The following MDN1 variants were observed in gnomAD, a reference collection of about 807,000 sequenced individuals.
MDN1 encodes the protein midasin.
In MDN1, 266 loss-of-function variants were observed where a neutral mutation model predicts 669.2. That is an observed-to-expected ratio of 0.40 (90% CI 0.36 to 0.44). MDN1 has a LOEUF of 0.44. Among genes scored for constraint, MDN1 ranks in the 20% least tolerant of loss-of-function variants. The probability of loss-of-function intolerance (pLI) is 1.00; values close to 1 mark genes in which losing one functional copy is unlikely to be tolerated. For missense variants in MDN1, 5,940 were observed against 6,754.0 expected (o/e 0.88, Z 4.22); for synonymous variants, 2,385 against 2,457.1 (o/e 0.97, Z 0.87).
chr6:89,693,298 ATTAG>A lies in MDN1; in HGVS notation c.9882-154_9882-151del. On this transcript the variant is annotated intron_variant, in intron 62 of 101. Coordinates refer to ENST00000369393, the MANE Select transcript of MDN1 (RefSeq NM_014611.3). ...CATCTCAGTTGTGATAATACTGACA[ATTAG>A]TTAATGAAAATGGATAACATTTACA... The A allele has an allele frequency of 8.1e-6, 5 of 617,908 alleles. No individual in the cohort carries two copies. The South Asian group carries it at 1.0e-4, about 13-fold the overall frequency. 38.3% of individuals were successfully genotyped at this position (617,908 alleles called of 1,614,324 possible).
chr6:89,710,539 A>C, intron 50 of MDN1, 142 bp downstream of exon 50: 1 of 469,016 alleles, frequency 2.1e-6, no homozygotes, highest in Non-Finnish European at 3.7e-6. Flanking sequence ...AAAAAAAAGA[A>C]GGAGAATTTG....
At chr6:89,758,747 A>C (rs1380362863) in intron 18 of MDN1, 69 bp downstream of exon 18, 29 of 1,545,634 alleles carry the variant, frequency 1.9e-5, no homozygotes, top group Non-Finnish European at 2.5e-5. Flanking sequence ...CAACAACAAC[A>C]AAAAATCTCA....
intron 1 of MDN1, among the ~76,000 whole-genome samples, chr6:89,810,005 A>AT (rs1562242770): frequency 7.0e-6 from 1 of 142,220 alleles, no homozygotes; most frequent in Non-Finnish European, 1.6e-5. Flanking sequence ...AAAAAAAAAA[A>AT]AAAAAAAAAA....
chr6:89,672,583 C>T lies in MDN1; in HGVS notation c.13594G>A (p.Glu4532Lys). The change falls in exon 81 of 102, where the codon GAG (glutamate) becomes AAG (lysine). Residue 4532 changes from glutamate (E) to lysine (K), a missense_variant. Physicochemically the swap from Glu to Lys is moderately conservative, Grantham distance 56. Coordinates refer to ENST00000369393, the MANE Select transcript of MDN1 (RefSeq NM_014611.3). ...LEERKNEKAE[E>K]NTDQASPQED... ...TGTGGGCTTGCTTGGTCAGTGTTCT[C>T]CTCTGCTTTTTCATTCTTTCTTTCT... 1.9e-6 allele frequency: 3 copies of T among 1,614,102 alleles called. No homozygotes were observed. The highest frequency in any genetic ancestry group is 2.5e-6 in the Non-Finnish European group (3 of 1,179,994).
Position 89,750,367 on chromosome 6 carries a change from A to C in MDN1, c.3393T>G (p.Leu1131=). ...TCTTAACCCTACCTTCCTTAAAGAC[A>C]AGCTTCCCTGAGGAGTCAGACGTGT... The part of the protein sequence containing the change: ...GCYTSDSSGK[L]VFKEGVLIDA... The change falls in exon 24 of 102, where the codon CTT becomes CTG. Residue 1131 remains leucine (L), a synonymous_variant. Transcript: ENST00000369393. 1 of 1,608,240 alleles carries C rather than the reference A, an allele frequency of 6.2e-7. No homozygotes were observed. Among genetic ancestry groups the C allele is most frequent in the Non-Finnish European group, 8.5e-7 (1 of 1,175,262 alleles).
intron 38 of MDN1, among the ~76,000 whole-genome samples, chr6:89,724,376 G>A (rs970816907): frequency 2.6e-5 from 4 of 151,790 alleles, no homozygotes; most frequent in East Asian, 1.9e-4. Flanking sequence ...TCCGCCTCCC[G>A]GGTTCAAGAG....
At chr6:89,708,863 A>G (rs559540579) in intron 50 of MDN1, among the ~76,000 whole-genome samples, 1 of 152,210 alleles carries the variant, frequency 6.6e-6, no homozygotes, top group African/African-American at 2.4e-5. Flanking sequence ...CTGAAAGTTC[A>G]TCCCAATGCA....
At chr6:89,809,209 C>T (rs1249471296) in intron 1 of MDN1, among the ~76,000 whole-genome samples, 2 of 101,346 alleles carry the variant, frequency 2.0e-5, no homozygotes, top group Admixed American at 2.7e-4. Context: ...AGGTGAGACA[C>T]TGTCTCAAAA....
intron 2 of MDN1, among the ~76,000 whole-genome samples, chr6:89,796,569 G>C (rs1386694131): frequency 1.3e-5 from 2 of 152,038 alleles, no homozygotes; most frequent in Non-Finnish European, 2.9e-5. Context: ...ATGTAATCAG[G>C]TGGAATTTGA....
At position 89,743,617 on chromosome 6, in the gene MDN1, G is replaced by C; in HGVS notation, c.4276C>G (p.Leu1426Val). 6.2e-7 allele frequency: 1 copy of C among 1,614,020 alleles called. No individual in the cohort carries two copies. ...CHLHMETSDFLGGLRPVRQKP... is the reference protein window; with the variant it reads ...CHLHMETSDFVGGLRPVRQKP... Reference sequence around the variant, plus strand: ...TGTCTCACTGGCCGCAGGCCACCCAGGAAGTCTGATGTCTCCATGTGTAAG... The same window carrying C: ...TGTCTCACTGGCCGCAGGCCACCCACGAAGTCTGATGTCTCCATGTGTAAG... Residue 1426 changes from leucine to valine, a missense_variant, in exon 30 of 102, where the codon CTG becomes GTG. This residue lies in a region of MDN1 where 2,292 missense variants were observed against 2,638.3 expected (regional missense o/e 0.87). Coordinates refer to ENST00000369393, the MANE Select transcript of MDN1 (RefSeq NM_014611.3).
chr6:89,756,730 G>A (rs935178280), intron 19 of MDN1, among the ~76,000 whole-genome samples: 1 of 152,148 alleles, frequency 6.6e-6, no homozygotes, highest in African/African-American at 2.4e-5. Context: ...AGACCATCCT[G>A]GCTAACATGG....
intron 84 of MDN1, among the ~76,000 whole-genome samples, chr6:89,666,389 C>T (rs1221938885): frequency 2.6e-5 from 4 of 152,270 alleles, no homozygotes; most frequent in East Asian, 3.9e-4. Context: ...CGTCAGCTTC[C>T]GAGTAGCTGG....
At chr6:89,724,122 G>A (rs1448353817) in intron 38 of MDN1, among the ~76,000 whole-genome samples, 5 of 151,378 alleles carry the variant, frequency 3.3e-5, no homozygotes, top group Non-Finnish European at 7.4e-5. Context: ...CAGCCTGGGC[G>A]ACAGAGCAAG....
intron 1 of MDN1, among the ~76,000 whole-genome samples, chr6:89,812,621 A>G (rs1029942590): frequency 6.6e-6 from 1 of 150,608 alleles, no homozygotes; most frequent in Non-Finnish European, 1.5e-5. Flanking sequence ...CTAACTGATC[A>G]GTTAGCCCTT....
chr6:89,658,827 C>T lies in MDN1; in HGVS notation c.14804G>A (p.Ser4935Asn). 12 of 1,614,222 alleles carry T rather than the reference C, an allele frequency of 7.4e-6. No homozygotes were observed. The highest frequency in any genetic ancestry group is 1.0e-5 in the Non-Finnish European group (12 of 1,180,050). Residue 4935 changes from serine (S) to asparagine (N), a missense_variant, in exon 89 of 102, where the codon AGT becomes AAT. Around this residue, in one of 5 missense-constraint regions of MDN1, gnomAD observed 2,280 missense variants for 2,576.3 expected, o/e 0.88. Transcript: ENST00000369393. ...RGETETDQNE[S>N]QSPQEPEEGP... is the part of the protein sequence containing the mutation. ...TTCCTCAGGCTCCTGTGGACTCTGA[C>T]TTTCGTTCTGGTCGGTCTCGGTCTC...
intron 33 of MDN1, among the ~76,000 whole-genome samples, 189 bp downstream of exon 33, chr6:89,738,137 T>C (rs1562162169): frequency 6.6e-6 from 1 of 152,214 alleles, no homozygotes; most frequent in Non-Finnish European, 1.5e-5. Context: ...AATATGAAGA[T>C]GGGACACTTT....
intron 1 of MDN1, among the ~76,000 whole-genome samples, chr6:89,817,937 G>T (rs780714658): frequency 5.9e-5 from 9 of 152,142 alleles, no homozygotes; most frequent in African/African-American, 1.9e-4. Flanking sequence ...ATGAATAGTT[G>T]TGATAACCAT....
At chr6:89,765,135 A>G (rs1223070705) in intron 15 of MDN1, among the ~76,000 whole-genome samples, 5 of 151,998 alleles carry the variant, frequency 3.3e-5, no homozygotes, top group Admixed American at 3.3e-4. Flanking sequence ...GCGGGCGCCT[A>G]TAGTCCCAGC....
intron 2 of MDN1, 22 bp downstream of exon 2, chr6:89,803,306 G>T (rs374465470): frequency 3.8e-6 from 6 of 1,599,326 alleles, no homozygotes; most frequent in Non-Finnish European, 5.1e-6. Context: ...GGAGAAATGC[G>T]AATAATAAAA....
Sources: allele counts gnomAD v4.1 joint callset (sites outside exome capture counted in the v4.1 genomes callset), GRCh38; gene constraint gnomAD v4.1.1; regional missense constraint gnomAD v4.1.1; transcripts MANE v1.5; gene names NCBI Gene and HGNC (gene_info 2026-07-23, HGNC 2026-07-21).